UVRAG: variants seen among roughly 807,000 people sequenced by gnomAD.
The protein encoded by UVRAG is UV radiation resistance associated.
In UVRAG, 19 loss-of-function variants were observed where a neutral mutation model predicts 78.0. That is an observed-to-expected ratio of 0.24 (90% CI 0.17 to 0.36). The LOEUF (loss-of-function observed/expected upper bound fraction) is 0.36, where lower values mean the gene tolerates loss of function less well. Ranked by LOEUF, UVRAG falls within the 10% of genes least tolerant of loss-of-function variation. The probability of loss-of-function intolerance (pLI) is 1.00; values close to 1 mark genes in which losing one functional copy is unlikely to be tolerated. For synonymous variants in UVRAG, 323 were observed against 324.6 expected (o/e 1.00, Z 0.05); for missense variants, 740 against 853.8 (o/e 0.87, Z 1.66).
intron 5 of UVRAG, among the ~76,000 whole-genome samples, chr11:75,910,212 T>G (rs898826466): frequency 1.3e-5 from 2 of 152,240 alleles, no homozygotes; most frequent in Admixed American, 6.5e-5. Context: ...TTTAAATGTC[T>G]GTAGTGATAT....
chr11:75,938,540 C>T (rs909269396), intron 6 of UVRAG, among the ~76,000 whole-genome samples: 2 of 152,110 alleles, frequency 1.3e-5, no homozygotes, highest in African/African-American at 4.8e-5. Context: ...TTTACGCTTC[C>T]TCAGCCTGTA....
chr11:75,877,509 G>A (rs1317518589), intron 3 of UVRAG, among the ~76,000 whole-genome samples: 1 of 141,870 alleles, frequency 7.0e-6, no homozygotes, highest in African/African-American at 2.6e-5. Flanking sequence ...TGGGCGGGGG[G>A]TGACCCCCCC....
intron 14 of UVRAG, among the ~76,000 whole-genome samples, chr11:76,131,651 T>C (rs1361396519): frequency 6.6e-6 from 1 of 152,246 alleles, no homozygotes; most frequent in Non-Finnish European, 1.5e-5. Context: ...GATTTCAGCC[T>C]GTGCTTTTGG....
At chr11:75,965,055 C>T (rs1218064275) in intron 7 of UVRAG, among the ~76,000 whole-genome samples, 1 of 152,074 alleles carries the variant, frequency 6.6e-6, no homozygotes, top group Non-Finnish European at 1.5e-5. Context: ...TTTGTTAAAA[C>T]TTCTGTGGTT....
Position 76,105,315 on chromosome 11 carries a change from G to C in UVRAG, c.1306-10609G>C, listed in dbSNP as rs139445992. Among the ~76,000 whole-genome samples, 747 of 152,236 alleles carry C rather than the reference G, an allele frequency of 4.9e-3. 1 individual carries two copies. The highest frequency in any genetic ancestry group is 7.6e-3 in the Non-Finnish European group (520 of 68,000). Reference sequence around the variant, plus strand: ...AGCTACTTGGGAGGCTGAAGTGGGAGGATAACTTGAGCCCAGGAGGTCAAG... The same window carrying C: ...AGCTACTTGGGAGGCTGAAGTGGGACGATAACTTGAGCCCAGGAGGTCAAG... On this transcript the variant is annotated intron_variant, in intron 13 of 14. Coordinates refer to ENST00000356136, the MANE Select transcript of UVRAG (RefSeq NM_003369.4).
intron 1 of UVRAG, among the ~76,000 whole-genome samples, chr11:75,833,498 A>G (rs1381554517): frequency 6.6e-6 from 1 of 152,122 alleles, no homozygotes; most frequent in African/African-American, 2.4e-5. Flanking sequence ...GGGATATTCT[A>G]TTTCATATCC....
At chr11:76,010,177 C>G (rs566805675) in intron 11 of UVRAG, among the ~76,000 whole-genome samples, 1 of 152,274 alleles carries the variant, frequency 6.6e-6, no homozygotes, top group East Asian at 1.9e-4. Flanking sequence ...CTCATTGATT[C>G]ATTTAGTAAA....
Position 76,035,157 on chromosome 11 carries a change from C to G in UVRAG, c.1226+18177C>G, listed in dbSNP as rs116511976. Among the ~76,000 whole-genome samples the G allele has an allele frequency of 4.0e-3, 603 of 152,178 alleles. 3 individuals carry two copies. Among genetic ancestry groups the G allele is most frequent in the African/African-American group, 0.014 (573 of 41,518 alleles). The stretch of plus-strand genomic sequence containing the variant: ...GTGTAGTACACAATTTTGTCATTTC[C>G]AGCTTTAAAAACTTAGTTACTAGGA... On this transcript the variant is annotated intron_variant, in intron 12 of 14. Coordinates refer to ENST00000356136, the MANE Select transcript of UVRAG (RefSeq NM_003369.4).
intron 5 of UVRAG, among the ~76,000 whole-genome samples, chr11:75,895,649 G>GA (rs1013742979): frequency 7.5e-5 from 11 of 147,250 alleles, no homozygotes; most frequent in Middle Eastern, 3.5e-3. Flanking sequence ...TTTTTTAAAG[G>GA]AAAAAAAAAT....
intron 12 of UVRAG, among the ~76,000 whole-genome samples, chr11:76,034,872 T>C (rs2135407032): frequency 6.6e-6 from 1 of 152,308 alleles, no homozygotes; most frequent in Non-Finnish European, 1.5e-5. Flanking sequence ...GAGAGTCTAG[T>C]GATGAAATAC....
intron 3 of UVRAG, among the ~76,000 whole-genome samples, chr11:75,869,252 A>G (rs923240848): frequency 1.3e-5 from 2 of 152,200 alleles, no homozygotes; most frequent in Non-Finnish European, 2.9e-5. Context: ...TGAATAAACA[A>G]TTTCTAGAGC....
chr11:76,110,307 C>T (rs1172237109), intron 13 of UVRAG, among the ~76,000 whole-genome samples: 3 of 150,764 alleles, frequency 2.0e-5, no homozygotes, highest in Non-Finnish European at 4.4e-5. Flanking sequence ...AGTCTATATA[C>T]TTTATCTTAT....
chr11:75,960,207 T>G (rs191017474), intron 6 of UVRAG, among the ~76,000 whole-genome samples: 1 of 152,108 alleles, frequency 6.6e-6, no homozygotes, highest in Admixed American at 6.5e-5. Context: ...AATTTGTTTT[T>G]TTTTTTTTGT....
At chr11:76,037,081 G>T (rs1799418048) in intron 12 of UVRAG, among the ~76,000 whole-genome samples, 1 of 152,156 alleles carries the variant, frequency 6.6e-6, no homozygotes, top group African/African-American at 2.4e-5. Flanking sequence ...ACTGAAGCCA[G>T]CTTTTTCCTT....
chr11:76,047,388 C>T (rs1175036568), intron 12 of UVRAG, among the ~76,000 whole-genome samples: 3 of 152,186 alleles, frequency 2.0e-5, no homozygotes, highest in Admixed American at 2.0e-4. Flanking sequence ...CTCTGCCTCT[C>T]CTAGACATTT....
chr11:76,065,060 T>C (rs955912429), intron 12 of UVRAG, among the ~76,000 whole-genome samples: 1 of 152,208 alleles, frequency 6.6e-6, no homozygotes, highest in African/African-American at 2.4e-5. Flanking sequence ...CTAAAATAAC[T>C]CATTATCTTT....
intron 6 of UVRAG, among the ~76,000 whole-genome samples, chr11:75,918,660 T>C (rs144943308): frequency 6.6e-6 from 1 of 152,276 alleles, no homozygotes; most frequent in African/African-American, 2.4e-5. Context: ...GAGAGCACCT[T>C]TAGGCAAGAA....
intron 12 of UVRAG, among the ~76,000 whole-genome samples, chr11:76,029,835 G>A (rs1252876088): frequency 6.6e-6 from 1 of 152,154 alleles, no homozygotes; most frequent in African/African-American, 2.4e-5. Flanking sequence ...TACATGAAAG[G>A]CAAAGTCAAT....
intron 7 of UVRAG, among the ~76,000 whole-genome samples, chr11:75,963,726 T>C (rs764243988): frequency 2.0e-5 from 3 of 152,246 alleles, no homozygotes; most frequent in Non-Finnish European, 4.4e-5. Flanking sequence ...TTTGGCATCT[T>C]CTCACATTAC....
Sources: gnomAD v4.1 joint callset for allele counts (sites outside exome capture counted in the v4.1 genomes callset) on GRCh38, gnomAD v4.1.1 for gene constraint, MANE v1.5 for transcripts, NCBI Gene and HGNC (gene_info 2026-07-23, HGNC 2026-07-21) for gene names.